Variants in IL18BP observed in about 807,000 individuals in gnomAD.
IL18BP encodes interleukin-18-binding protein.
A neutral mutation model predicts 19.9 loss-of-function variants in IL18BP; 23 were observed. The ratio of observed to expected loss-of-function variants is 1.15; its 90% CI spans 0.83 to 1.64. The LOEUF is 1.64. IL18BP is among the 40% of genes most tolerant of loss of function. The pLI is 0.00. For missense variants in IL18BP, 239 were observed against 240.7 expected, an observed-to-expected ratio of 0.99 and a Z score of 0.05; for synonymous variants, 107 against 101.0, an observed-to-expected ratio of 1.06 and a Z score of -0.35.
downstream of IL18BP, among the ~76,000 whole-genome samples, chr11:72,006,620 A>C (rs1248267387): frequency 6.6e-6 from 1 of 152,208 alleles, no homozygotes; most frequent in Non-Finnish European, 1.5e-5. Flanking sequence ...GCTAGGCCCC[A>C]TGTCTCCTGA....
downstream of IL18BP, chr11:72,006,351 C>T (rs988737245): frequency 1.4e-4 from 155 of 1,114,734 alleles, 2 homozygotes; most frequent in Admixed American, 2.9e-3. Context: ...TCAGATCCCA[C>T]GGCACATCCA....
chr11:72,007,842 A>C, downstream of IL18BP: 1 of 349,088 alleles, frequency 2.9e-6, no homozygotes, highest in South Asian at 2.4e-5. Flanking sequence ...TGGCGAGCCC[A>C]ATCACCAAGC....
chr11:71,999,337 A>G (rs937004840), intron 1 of IL18BP: 18 of 350,770 alleles, frequency 5.1e-5, no homozygotes, highest in Middle Eastern at 4.8e-4. Context: ...GCGGACACCA[A>G]AGTCCTGACA....
downstream of IL18BP, chr11:72,004,053 T>C (rs900152918): frequency 3.7e-6 from 6 of 1,613,568 alleles, no homozygotes; most frequent in Admixed American, 3.3e-5. Context: ...CCCTAGCTTC[T>C]TGGGTGTGTT....
At chr11:72,003,415 G>T, downstream of IL18BP, 2 of 1,045,954 alleles carry the variant, frequency 1.9e-6, no homozygotes, top group South Asian at 1.3e-5. Flanking sequence ...CTAGGGGTTT[G>T]GCTACTGTTG....
chr11:72,004,906 A>G, downstream of IL18BP: 3 of 1,291,724 alleles, frequency 2.3e-6, no homozygotes, highest in Non-Finnish European at 3.1e-6. Context: ...CACTCGCCCG[A>G]CACTTATGGT....
intron 1 of IL18BP, chr11:71,999,604 C>G (rs1955102662): frequency 4.0e-6 from 1 of 247,656 alleles, no homozygotes; most frequent in African/African-American, 2.2e-5. Flanking sequence ...GCTCGGCATC[C>G]TGCCCTTCCC....
At chr11:72,006,295 C>G (rs749642906), downstream of IL18BP, 1 of 1,584,644 alleles carries the variant, frequency 6.3e-7, no homozygotes, top group South Asian at 1.1e-5. Flanking sequence ...TTGCAGTGTA[C>G]AGTCCCTGGC....
At chr11:72,003,240 C>G, downstream of IL18BP, 1 of 485,932 alleles carries the variant, frequency 2.1e-6, no homozygotes, top group Non-Finnish European at 3.7e-6. Flanking sequence ...CAAAACCAGC[C>G]TCAAATCTGG....
At chr11:72,007,465 T>G, downstream of IL18BP, 1 of 1,610,234 alleles carries the variant, frequency 6.2e-7, no homozygotes, top group Non-Finnish European at 8.5e-7. Flanking sequence ...TGAGGTACAG[T>G]CCTTCACGCT....
At chr11:72,007,357 G>A (rs756937216), downstream of IL18BP, 4 of 1,613,672 alleles carry the variant, frequency 2.5e-6, no homozygotes, top group East Asian at 4.5e-5. Context: ...ATTCTACCTT[G>A]GGGGGCAGGC....
downstream of IL18BP, chr11:72,004,497 C>T (rs1005625595): frequency 8.3e-6 from 10 of 1,210,612 alleles, no homozygotes; most frequent in Non-Finnish European, 1.2e-5. Context: ...CCCAACAGTT[C>T]CCATCCATGG....
chr11:72,004,835 T>TGAGC, downstream of IL18BP: 1 of 1,550,712 alleles, frequency 6.4e-7, no homozygotes, highest in Non-Finnish European at 8.7e-7. Context: ...GTGGAAGAGG[T>TGAGC]GGTCAGTGGA....
chr11:72,003,123 C>A, downstream of IL18BP: 1 of 272,804 alleles, frequency 3.7e-6, no homozygotes, highest in Non-Finnish European at 7.0e-6. Context: ...AGGGCCCCTG[C>A]TGGGCCCAGC....
At chr11:72,004,724 C>G, downstream of IL18BP, 2 of 1,613,656 alleles carry the variant, frequency 1.2e-6, no homozygotes, top group Non-Finnish European at 1.7e-6. Flanking sequence ...CCTCGGCTAT[C>G]TGGATTGGCT....
chr11:72,007,645 A>T, downstream of IL18BP: 1 of 630,346 alleles, frequency 1.6e-6, no homozygotes, highest in Non-Finnish European at 2.8e-6. Context: ...AGCTCCTCAT[A>T]GTGGCAATGC....
At chr11:72,004,916 T>C (rs568767133), downstream of IL18BP, 186 of 1,190,218 alleles carry the variant, frequency 1.6e-4, no homozygotes, top group African/African-American at 2.6e-3. Context: ...ACACTTATGG[T>C]CGGGACCCTT....
At chr11:72,004,584 G>A (rs184235693), downstream of IL18BP, 2,466 of 1,550,538 alleles carry the variant, frequency 1.6e-3, 6 homozygotes, top group Middle Eastern at 3.0e-3. Flanking sequence ...TCCTTGGTGA[G>A]CTGGGCCTGA....
chr11:72,005,007 C>T (rs558249967), downstream of IL18BP, among the ~76,000 whole-genome samples: 38 of 152,292 alleles, frequency 2.5e-4, no homozygotes, highest in African/African-American at 8.9e-4. Context: ...TGGCCACAAG[C>T]AGTGCAGTCC....
Sources: gnomAD v4.1 joint callset for allele counts (sites outside exome capture counted in the v4.1 genomes callset) on GRCh38, gnomAD v4.1.1 for gene constraint, MANE v1.5 for transcripts, NCBI Gene and HGNC (gene_info 2026-07-23, HGNC 2026-07-21) for gene names.